Variants in NOL4 observed in about 807,000 individuals in gnomAD.
The protein encoded by NOL4 is cancer/testis antigen 125.
NOL4 carries 17 observed loss-of-function variants against 75.9 expected under a neutral mutation model. The observed-to-expected ratio is 0.22, with a 90% CI of 0.15 to 0.34. The LOEUF is 0.34. Among genes scored for constraint, NOL4 ranks in the 10% least tolerant of loss-of-function variants. NOL4 has a pLI of 1.00. For synonymous variants in NOL4, 292 were observed against 289.9 expected, an observed-to-expected ratio of 1.01 and a Z score of -0.07; for missense variants, 614 against 793.5, an observed-to-expected ratio of 0.77 and a Z score of 2.72.
chr18:33,942,471 G>C (rs138202107), intron 9 of NOL4, among the ~76,000 whole-genome samples: 2 of 151,686 alleles, frequency 1.3e-5, no homozygotes, highest in Non-Finnish European at 2.9e-5. Context: ...AAGAAACATC[G>C]CCAATACACA....
chr18:34,140,476 G>C (rs1487840901), intron 1 of NOL4, among the ~76,000 whole-genome samples: 1 of 152,116 alleles, frequency 6.6e-6, no homozygotes, highest in Admixed American at 6.6e-5. Context: ...TTTAAGGTCT[G>C]TTTTATCAGA....
At chr18:34,208,735 G>A (rs2036296723) in intron 1 of NOL4, among the ~76,000 whole-genome samples, 1 of 151,980 alleles carries the variant, frequency 6.6e-6, no homozygotes, top group African/African-American at 2.4e-5. Flanking sequence ...GGTGGCGCAT[G>A]CCTGTAGCCT....
intron 6 of NOL4, among the ~76,000 whole-genome samples, chr18:33,990,337 G>A (rs960414270): frequency 2.0e-5 from 3 of 151,872 alleles, no homozygotes; most frequent in Non-Finnish European, 4.4e-5. Context: ...TTTCACATAG[G>A]TTACCTCCTC....
intron 6 of NOL4, among the ~76,000 whole-genome samples, chr18:33,970,993 G>A (rs2071010922): frequency 6.6e-6 from 1 of 152,116 alleles, no homozygotes; most frequent in Non-Finnish European, 1.5e-5. Context: ...AAAAGGTGGT[G>A]TGCTTATTCA....
At chr18:33,932,740 A>C (rs1439583539) in intron 9 of NOL4, among the ~76,000 whole-genome samples, 1 of 152,096 alleles carries the variant, frequency 6.6e-6, no homozygotes. Flanking sequence ...AGTCATGAGG[A>C]TTGGATCAAA....
intron 9 of NOL4, among the ~76,000 whole-genome samples, chr18:33,917,150 A>G (rs1035446259): frequency 2.0e-5 from 3 of 152,176 alleles, no homozygotes; most frequent in African/African-American, 7.2e-5. Context: ...CAAATGAACT[A>G]TAACTTTCTT....
At chr18:33,994,365 T>C (rs554360586) in intron 6 of NOL4, among the ~76,000 whole-genome samples, 2 of 152,014 alleles carry the variant, frequency 1.3e-5, no homozygotes, top group South Asian at 4.1e-4. Flanking sequence ...TGTATTCTTT[T>C]CAAGTGCATG....
Position 34,223,173 on chromosome 18 carries a change from C to T in NOL4, c.81G>A (p.Thr27=). The change falls in exon 1 of 11, where the codon ACG becomes ACA. Residue 27 remains threonine (T), a synonymous_variant. Coordinates refer to ENST00000261592, the MANE Select transcript of NOL4 (RefSeq NM_003787.5). ...RTYGDSGKTK[T]VTRKKYERIV... Reference sequence around the variant, plus strand: ...TCCGTTCGTATTTTTTACGGGTCACCGTCTTGGTCTTGCCTGAGTCCCCGT... The same window carrying T: ...TCCGTTCGTATTTTTTACGGGTCACTGTCTTGGTCTTGCCTGAGTCCCCGT... The T allele has an allele frequency of 1.2e-6, 2 of 1,614,218 alleles. No homozygotes were observed. The highest frequency in any genetic ancestry group is 1.7e-6 in the Non-Finnish European group (2 of 1,180,050).
chr18:34,113,921 AG>A (rs1264465109), intron 2 of NOL4, among the ~76,000 whole-genome samples: 3 of 152,192 alleles, frequency 2.0e-5, no homozygotes, highest in African/African-American at 7.2e-5. Flanking sequence ...AATTTTAAAT[AG>A]ATGTTCATAA....
chr18:34,038,989 T>C (rs773136847), intron 5 of NOL4, among the ~76,000 whole-genome samples: 12 of 152,022 alleles, frequency 7.9e-5, no homozygotes, highest in Non-Finnish European at 8.8e-5. Flanking sequence ...ATTCTATGCA[T>C]GTAAAAAATA....
intron 2 of NOL4, chr18:34,121,154 AATAAG>A (rs796344925): frequency 1.3e-5 from 2 of 152,342 alleles, no homozygotes; most frequent in African/African-American, 2.4e-5. Context: ...TATTGCATTA[AATAAG>A]ATAACTCAGC....
chr18:34,185,527 A>T (rs2034394811), intron 1 of NOL4, among the ~76,000 whole-genome samples: 2 of 152,128 alleles, frequency 1.3e-5, no homozygotes, highest in Admixed American at 1.3e-4. Context: ...AGAAAAATTG[A>T]ACAATTATTC....
At chr18:34,072,217 T>C (rs1400767185) in intron 5 of NOL4, among the ~76,000 whole-genome samples, 2 of 151,988 alleles carry the variant, frequency 1.3e-5, no homozygotes, top group Non-Finnish European at 2.9e-5. Flanking sequence ...AGAGCGAGAC[T>C]CCATCTCAAA....
chr18:34,124,590 G>A lies in NOL4; in HGVS notation c.414+5281C>T, dbSNP rs565855189. Among the ~76,000 whole-genome samples the A allele has an allele frequency of 2.0e-5, 3 of 152,176 alleles. No homozygotes were observed. In the East Asian group the frequency reaches 5.8e-4, roughly 29 times the overall value. On this transcript the variant is annotated intron_variant, in intron 2 of 10. Transcript: ENST00000261592. ...AAACACATACCAAACGCTATTAGGTGTGATGCCACATTAGGACTCATATAA... is the reference window on the plus strand; with the variant it reads ...AAACACATACCAAACGCTATTAGGTATGATGCCACATTAGGACTCATATAA...
At chr18:34,145,131 C>T (rs1165116811) in intron 1 of NOL4, among the ~76,000 whole-genome samples, 1 of 152,018 alleles carries the variant, frequency 6.6e-6, no homozygotes, top group African/African-American at 2.4e-5. Context: ...AGTTTGCATG[C>T]ATTTTCCAAT....
At chr18:33,972,012 C>A (rs1428349742) in intron 6 of NOL4, among the ~76,000 whole-genome samples, 1 of 151,616 alleles carries the variant, frequency 6.6e-6, no homozygotes, top group Non-Finnish European at 1.5e-5. Context: ...CTAAAAAGTA[C>A]AAAAATTAGC....
intron 1 of NOL4, among the ~76,000 whole-genome samples, chr18:34,186,465 G>T (rs1349770012): frequency 6.6e-6 from 1 of 152,130 alleles, no homozygotes; most frequent in Non-Finnish European, 1.5e-5. Flanking sequence ...TTCCTTATAT[G>T]TATAAAATGA....
intron 2 of NOL4, among the ~76,000 whole-genome samples, chr18:34,127,609 T>C (rs1382690736): frequency 6.6e-6 from 1 of 151,930 alleles, no homozygotes; most frequent in African/African-American, 2.4e-5. Flanking sequence ...TTAATAGCAC[T>C]AAACCGTTCT....
At chr18:34,150,573 A>G (rs1471246557) in intron 1 of NOL4, among the ~76,000 whole-genome samples, 1 of 151,768 alleles carries the variant, frequency 6.6e-6, no homozygotes, top group African/African-American at 2.4e-5. Flanking sequence ...TACATTGTTC[A>G]AAAAGAAAAC....
Sources: allele counts gnomAD v4.1 joint callset (sites outside exome capture counted in the v4.1 genomes callset), GRCh38; gene constraint gnomAD v4.1.1; transcripts MANE v1.5; gene names NCBI Gene and HGNC (gene_info 2026-07-23, HGNC 2026-07-21).